GALNT18: variants seen among roughly 807,000 people sequenced by gnomAD.
The protein encoded by GALNT18 is polypeptide N-acetylgalactosaminyltransferase 18.
In GALNT18, 44 loss-of-function variants were observed where a neutral mutation model predicts 69.5. The observed-to-expected ratio is 0.63, with a 90% CI of 0.50 to 0.81. The LOEUF is 0.81. Among genes scored for constraint, GALNT18 ranks in the 40% least tolerant of loss-of-function variants. The pLI, the probability that GALNT18 is intolerant of heterozygous loss-of-function variation, is 0.00. For synonymous variants in GALNT18, 364 were observed against 318.2 expected (o/e 1.14, Z -1.53); for missense variants, 715 against 810.0 (o/e 0.88, Z 1.42).
chr11:11,489,822 G>C (rs926499337), intron 1 of GALNT18, among the ~76,000 whole-genome samples: 5 of 152,146 alleles, frequency 3.3e-5, no homozygotes, highest in African/African-American at 9.7e-5. Flanking sequence ...TTTACAAATA[G>C]GAAACTGAGA....
chr11:11,286,086 G>A (rs1295514045), intron 10 of GALNT18, among the ~76,000 whole-genome samples: 1 of 152,126 alleles, frequency 6.6e-6, no homozygotes, highest in Non-Finnish European at 1.5e-5. Flanking sequence ...ACAGGGGGCT[G>A]GGGTGTGGTG....
chr11:11,280,057 T>C (rs1018961992), intron 10 of GALNT18, among the ~76,000 whole-genome samples: 2 of 152,028 alleles, frequency 1.3e-5, no homozygotes, highest in Non-Finnish European at 2.9e-5. Context: ...GTTGGGGAGA[T>C]GGCCCAGCCG....
At chr11:11,427,217 A>G (rs1309107149) in intron 3 of GALNT18, among the ~76,000 whole-genome samples, 3 of 152,214 alleles carry the variant, frequency 2.0e-5, no homozygotes, top group Non-Finnish European at 2.9e-5. Context: ...GAGAACAGGG[A>G]TTCAGGCTCC....
In GALNT18 at chr11:11,347,095, T is replaced by C. The variant is rs1417333339; in HGVS notation, c.1093-6091A>G. Among the ~76,000 whole-genome samples the C allele has an allele frequency of 6.6e-6, 1 of 152,190 alleles. No homozygotes were observed. Among genetic ancestry groups the C allele is most frequent in the Non-Finnish European group, 1.5e-5 (1 of 68,022 alleles). ...TACAAGGTCAGGGTTACATCTTGTA[T>C]TGGCCACTCACACAAACAAGCCTCC... is the stretch of plus-strand genomic sequence containing the variant. On this transcript the variant is annotated intron_variant, in intron 6 of 10. Transcript: ENST00000227756. The surrounding 1 kb of genome is among the most constrained non-coding windows in gnomAD (Gnocchi z 4.0).
intron 6 of GALNT18, chr11:11,352,827 G>GC: frequency 4.3e-6 from 7 of 1,614,198 alleles, no homozygotes; most frequent in Non-Finnish European, 4.2e-6. Flanking sequence ...TACAATGTCT[G>GC]CCAGTGTGAT....
intron 1 of GALNT18, among the ~76,000 whole-genome samples, chr11:11,612,213 G>A (rs565128956): frequency 6.6e-6 from 1 of 152,226 alleles, no homozygotes; most frequent in East Asian, 1.9e-4. Context: ...TTGTGAAGAT[G>A]AAAAGGAATC....
In GALNT18 at chr11:11,407,920, C is replaced by T. The variant is rs886077165; in HGVS notation, c.595+24701G>A. Among the ~76,000 whole-genome samples, 8 of 152,186 alleles carry T rather than the reference C, an allele frequency of 5.3e-5. No homozygotes were observed. In the South Asian group the frequency reaches 1.4e-3, roughly 28 times the overall value. The stretch of plus-strand genomic sequence containing the variant: ...GGATGCACCGAGTGGAGGCCCCACC[C>T]GCAGTCATTCACTCCTTGAAGCAGT... On this transcript the variant is annotated intron_variant, in intron 3 of 10. Transcript: ENST00000227756.
chr11:11,392,517 G>T lies in GALNT18; in HGVS notation c.596-13253C>A, dbSNP rs11021828. Among the ~76,000 whole-genome samples the T allele has an allele frequency of 8.0e-3, 1,222 of 152,316 alleles. 4 individuals are homozygous for T. Among genetic ancestry groups the T allele is most frequent in the Non-Finnish European group, 0.013 (867 of 68,016 alleles). ...GCCTGTAATCCCAGCTACTCAGGAG[G>T]CTGAGGCAGGAGAATCGCTTGAACC... On this transcript the variant is annotated intron_variant, in intron 3 of 10. Coordinates refer to ENST00000227756, the MANE Select transcript of GALNT18 (RefSeq NM_198516.3).
chr11:11,450,247 G>A (rs894359954), intron 1 of GALNT18, among the ~76,000 whole-genome samples: 8 of 152,210 alleles, frequency 5.3e-5, no homozygotes, highest in Non-Finnish European at 1.0e-4. Context: ...GGCCTGTATG[G>A]AGTCAATGGG....
Position 11,591,230 on chromosome 11 carries a change from T to G in GALNT18, c.235+30129A>C, listed in dbSNP as rs1031971250. Among the ~76,000 whole-genome samples, 1 of 152,060 alleles carries G rather than the reference T, an allele frequency of 6.6e-6. No individual in the cohort carries two copies. Among genetic ancestry groups the G allele is most frequent in the African/African-American group, 2.4e-5 (1 of 41,398 alleles). On this transcript the variant is annotated intron_variant, in intron 1 of 10. Transcript: ENST00000227756. This position sits in a 1 kb window ranked among gnomAD's most constrained non-coding sequence, Gnocchi z 4.8. The stretch of plus-strand genomic sequence containing the variant: ...AGGCCTTTTTAAGGCTTTGTAAGGC[T>G]TAAAAGCTAAGACACACATACACAC...
At chr11:11,429,517 A>G (rs903150834) in intron 3 of GALNT18, among the ~76,000 whole-genome samples, 1 of 152,130 alleles carries the variant, frequency 6.6e-6, no homozygotes, top group Non-Finnish European at 1.5e-5. Flanking sequence ...CCTCCTGGAA[A>G]TGGGGTAGAA....
intron 5 of GALNT18, among the ~76,000 whole-genome samples, chr11:11,375,243 C>A (rs1239364630): frequency 6.6e-6 from 1 of 152,180 alleles, no homozygotes; most frequent in Non-Finnish European, 1.5e-5. Flanking sequence ...CTGTCTTCAT[C>A]TGGGAATAAA....
chr11:11,475,706 G>T (rs3741409), intron 1 of GALNT18: 102,726 of 152,056 alleles, frequency 0.68, 35,501 homozygotes, highest in Admixed American at 0.78. Flanking sequence ...CTGCCCAACT[G>T]GTATTCGTTT....
chr11:11,573,406 C>T lies in GALNT18; in HGVS notation c.235+47953G>A, dbSNP rs1417209346. 6.6e-6 allele frequency: 1 copy of T among 152,176 alleles called. No homozygotes were observed. Among genetic ancestry groups the T allele is most frequent in the African/African-American group, 2.4e-5 (1 of 41,426 alleles). 9.4% of individuals were successfully genotyped at this position (152,176 alleles called of 1,614,324 possible). A position where few individuals can be genotyped will look rare whatever the true frequency, so the allele number is the denominator to read the frequency against. The stretch of plus-strand genomic sequence containing the variant: ...TGTGCCCACCTAAGTATCAGCCAAG[C>T]CAAGGAGAAAAGCCACAATTAACTG... On this transcript the variant is annotated intron_variant, in intron 1 of 10. Transcript: ENST00000227756. This position sits in a 1 kb window ranked among gnomAD's most constrained non-coding sequence, Gnocchi z 4.6.
chr11:11,283,532 G>GAGGA (rs981129207), intron 10 of GALNT18, among the ~76,000 whole-genome samples: 2 of 152,138 alleles, frequency 1.3e-5, no homozygotes, highest in African/African-American at 2.4e-5. Context: ...CAGAGCATTG[G>GAGGA]AGGAAGGAAG....
chr11:11,520,990 C>T (rs1030830192), intron 1 of GALNT18, among the ~76,000 whole-genome samples: 8 of 152,110 alleles, frequency 5.3e-5, no homozygotes, highest in African/African-American at 1.9e-4. Flanking sequence ...CCTTCCACTG[C>T]TGTCTAGGAA....
intron 8 of GALNT18, among the ~76,000 whole-genome samples, chr11:11,327,674 G>A (rs898604145): frequency 9.9e-5 from 15 of 152,256 alleles, no homozygotes; most frequent in Admixed American, 9.2e-4. Context: ...GTCTTCCAGA[G>A]TGGGAGGTCG....
At chr11:11,559,663 T>G (rs897365224) in intron 1 of GALNT18, among the ~76,000 whole-genome samples, 1 of 149,814 alleles carries the variant, frequency 6.7e-6, no homozygotes, top group African/African-American at 2.5e-5. Context: ...TGGGATGAGA[T>G]AGAATAGAAT....
Position 11,542,928 on chromosome 11 carries a change from A to T in GALNT18, c.235+78431T>A, listed in dbSNP as rs1338835132. Among the ~76,000 whole-genome samples the T allele has an allele frequency of 2.0e-5, 3 of 152,194 alleles. No individual in the cohort carries two copies. The highest frequency in any genetic ancestry group is 7.2e-5 in the African/African-American group (3 of 41,434). On this transcript the variant is annotated intron_variant, in intron 1 of 10. Coordinates refer to ENST00000227756, the MANE Select transcript of GALNT18 (RefSeq NM_198516.3). The surrounding 1 kb of genome is among the most constrained non-coding windows in gnomAD (Gnocchi z 4.3). ...CAGTAACTAAGTTTCAGTGGTTGAG[A>T]AGGATCCATTAGTTCGTGGGTGAGG...
Sources: gnomAD v4.1 joint callset for allele counts (sites outside exome capture counted in the v4.1 genomes callset) on GRCh38, gnomAD v4.1.1 for gene constraint, Gnocchi (gnomAD v3.1) non-coding constraint, MANE v1.5 for transcripts, NCBI Gene and HGNC (gene_info 2026-07-23, HGNC 2026-07-21) for gene names.